Variants in LRP1B observed in about 807,000 individuals in gnomAD.
The protein encoded by LRP1B is LDL receptor related protein 1B, also known as low-density lipoprotein receptor-related protein 1B.
Under a neutral mutation model 556.6 loss-of-function variants are expected in LRP1B, and 217 were observed. The observed-to-expected ratio is 0.39, with a 90% confidence interval of 0.35 to 0.44. LRP1B has a LOEUF of 0.44. Ranked by LOEUF, LRP1B falls within the 20% of genes least tolerant of loss-of-function variation. LRP1B has a pLI of 1.00. For missense variants in LRP1B, 5,053 were observed against 5,620.8 expected (o/e 0.90, Z 3.23); for synonymous variants, 2,047 against 1,865.8 (o/e 1.10, Z -2.50).
intron 1 of LRP1B, among the ~76,000 whole-genome samples, chr2:141,888,975 T>C (rs555013694): frequency 4.0e-4 from 61 of 152,256 alleles, no homozygotes; most frequent in Non-Finnish European, 7.8e-4. Context: ...TAAAAATTTA[T>C]AATAATTGAA....
chr2:141,047,435 C>T (rs1354424412), intron 11 of LRP1B, among the ~76,000 whole-genome samples: 2 of 152,058 alleles, frequency 1.3e-5, no homozygotes, highest in African/African-American at 4.8e-5. Context: ...CTCATTTCCT[C>T]TAAAAGATTG....
At chr2:140,666,816 C>T (rs536285600) in intron 41 of LRP1B, among the ~76,000 whole-genome samples, 5 of 152,258 alleles carry the variant, frequency 3.3e-5, no homozygotes, top group African/African-American at 9.6e-5. Context: ...GAGATGCATA[C>T]GGGAAAACAC....
At chr2:140,543,630 C>A (rs1181330395) in intron 43 of LRP1B, among the ~76,000 whole-genome samples, 3 of 151,744 alleles carry the variant, frequency 2.0e-5, no homozygotes, top group Non-Finnish European at 4.4e-5. Context: ...ACTCTCACTA[C>A]TTCTATTTAA....
chr2:141,502,247 G>A (rs759349983), intron 2 of LRP1B, among the ~76,000 whole-genome samples: 48 of 152,252 alleles, frequency 3.2e-4, no homozygotes, highest in Middle Eastern at 3.4e-3. Context: ...GTGGGGACAA[G>A]AGAATATTTT....
chr2:140,778,423 G>GT (rs1171015714), intron 32 of LRP1B, among the ~76,000 whole-genome samples: 1 of 152,062 alleles, frequency 6.6e-6, no homozygotes, highest in Non-Finnish European at 1.5e-5. Flanking sequence ...TCTCAATACC[G>GT]TAAGTCTGAC....
At chr2:140,783,379 A>T (rs1465997421) in intron 32 of LRP1B, among the ~76,000 whole-genome samples, 1 of 151,802 alleles carries the variant, frequency 6.6e-6, no homozygotes, top group African/African-American at 2.4e-5. Flanking sequence ...ATACAAAAAA[A>T]AGTCTTGTTA....
intron 1 of LRP1B, among the ~76,000 whole-genome samples, chr2:142,109,028 T>C (rs899167539): frequency 6.6e-6 from 1 of 152,190 alleles, no homozygotes; most frequent in Non-Finnish European, 1.5e-5. Flanking sequence ...GGGTGCCTTA[T>C]TATTTCAGGA....
At chr2:141,325,481 T>C (rs1039477719) in intron 3 of LRP1B, among the ~76,000 whole-genome samples, 5 of 152,166 alleles carry the variant, frequency 3.3e-5, no homozygotes, top group Admixed American at 6.6e-5. Context: ...AATAAGGTCA[T>C]TGCAAACAGT....
chr2:141,991,806 A>G (rs1451048552), intron 1 of LRP1B, among the ~76,000 whole-genome samples: 1 of 152,068 alleles, frequency 6.6e-6, no homozygotes, highest in African/African-American at 2.4e-5. Flanking sequence ...GTCATTCAAC[A>G]AACACTTGTC....
chr2:141,726,536 A>T (rs545022846), intron 2 of LRP1B, among the ~76,000 whole-genome samples: 6 of 152,050 alleles, frequency 3.9e-5, no homozygotes, highest in Non-Finnish European at 7.4e-5. Flanking sequence ...GAAGCCAAAC[A>T]TTGTAATCCA....
Position 141,229,286 on chromosome 2 carries a change from C to T in LRP1B, c.747G>A (p.Trp249Ter), listed in dbSNP as rs769159580. The change falls in exon 6 of 91, where the codon TGG becomes TGA. Residue 249 changes from tryptophan (W) to a stop codon, truncating the protein, a stop_gained. Coordinates refer to ENST00000389484, the MANE Select transcript of LRP1B (RefSeq NM_018557.3). LOFTEE classifies it high-confidence loss of function. The part of the protein sequence containing the change: ...DFIYNEDMIC[W>*]IESRESSNQL... Reference sequence around the variant, plus strand: ...GATTTGAAGATTCTCTTGATTCAATCCAACAAATCATATCTTCATTATAAA... The same window carrying T: ...GATTTGAAGATTCTCTTGATTCAATTCAACAAATCATATCTTCATTATAAA... The T allele has an allele frequency of 6.2e-7, 1 of 1,612,036 alleles. No individual in the cohort carries two copies. The highest frequency in any genetic ancestry group is 8.5e-7 in the Non-Finnish European group (1 of 1,178,380).
At chr2:140,301,384 C>T (rs561105701) in intron 83 of LRP1B, among the ~76,000 whole-genome samples, 20 of 152,154 alleles carry the variant, frequency 1.3e-4, no homozygotes, top group African/African-American at 4.8e-4. Context: ...AAGGAAAGAA[C>T]AAACATGCTA....
chr2:140,913,395 G>A (rs537104623), intron 21 of LRP1B, among the ~76,000 whole-genome samples: 2 of 151,838 alleles, frequency 1.3e-5, no homozygotes, highest in Non-Finnish European at 2.9e-5. Flanking sequence ...CAAGGAGGTG[G>A]AAAATATGTA....
chr2:140,906,945 TA>T (rs1234044064), intron 22 of LRP1B, among the ~76,000 whole-genome samples: 3 of 145,582 alleles, frequency 2.1e-5, no homozygotes, highest in African/African-American at 7.8e-5. Flanking sequence ...AATCATGACT[TA>T]AAAAAAGACA....
intron 1 of LRP1B, among the ~76,000 whole-genome samples, chr2:141,957,075 A>G (rs1701274236): frequency 6.6e-6 from 1 of 152,194 alleles, no homozygotes; most frequent in East Asian, 1.9e-4. Flanking sequence ...AATACTCCTT[A>G]GTATACATAA....
chr2:141,049,913 T>C (rs997671084), intron 10 of LRP1B, among the ~76,000 whole-genome samples: 4 of 151,986 alleles, frequency 2.6e-5, no homozygotes, highest in South Asian at 2.1e-4. Context: ...CAAAAAACTG[T>C]CTCCTGAGTT....
intron 1 of LRP1B, among the ~76,000 whole-genome samples, chr2:141,981,926 T>A (rs1041925208): frequency 1.3e-5 from 2 of 152,108 alleles, no homozygotes; most frequent in Non-Finnish European, 2.9e-5. Flanking sequence ...ACAATGAAAG[T>A]CATGTCTTTG....
intron 35 of LRP1B, among the ~76,000 whole-genome samples, chr2:140,744,886 T>C (rs988310756): frequency 2.0e-5 from 3 of 152,176 alleles, no homozygotes; most frequent in Admixed American, 6.5e-5. Flanking sequence ...TCCTGCTGCA[T>C]CCTTAGTATG....
intron 32 of LRP1B, among the ~76,000 whole-genome samples, chr2:140,783,152 T>A (rs1689760504): frequency 6.6e-6 from 1 of 152,192 alleles, no homozygotes; most frequent in African/African-American, 2.4e-5. Context: ...AATTATTACA[T>A]TTTTTATAAT....
Sources: gnomAD v4.1 joint callset for allele counts (sites outside exome capture counted in the v4.1 genomes callset) on GRCh38, gnomAD v4.1.1 for gene constraint, MANE v1.5 for transcripts, NCBI Gene and HGNC (gene_info 2026-07-23, HGNC 2026-07-21) for gene names.